Variants in RNF17 observed in about 807,000 individuals in gnomAD.
RNF17 encodes spermatogenesis associated 23.
Under a neutral mutation model 200.5 loss-of-function variants are expected in RNF17, and 31 were observed. The observed-to-expected ratio is 0.15, with a 90% CI of 0.12 to 0.21. The LOEUF (loss-of-function observed/expected upper bound fraction) is 0.21. RNF17 is among the 10% of genes least tolerant of loss of function. The pLI is 1.00. For synonymous variants in RNF17, 606 were observed against 637.8 expected (o/e 0.95, Z 0.75); for missense variants, 1,628 against 1,905.1 (o/e 0.85, Z 2.71).
chr13:24,815,425 CGG>C (rs1212535904), intron 15 of RNF17, among the ~76,000 whole-genome samples: 6 of 131,446 alleles, frequency 4.6e-5, no homozygotes, highest in African/African-American at 1.2e-4. Flanking sequence ...GTAGCCCTAA[CGG>C]GGTGTGTGTG....
At chr13:24,881,848 A>G (rs200508146), downstream of RNF17, among the ~76,000 whole-genome samples, 15,905 of 80,558 alleles carry the variant, frequency 0.2, 427 homozygotes, top group Admixed American at 0.23. Flanking sequence ...ATATATAGAT[A>G]CATCTATATA....
intron 16 of RNF17, among the ~76,000 whole-genome samples, chr13:24,827,720 A>AAAAAAC: frequency 6.8e-6 from 1 of 147,650 alleles, no homozygotes; most frequent in Non-Finnish European, 1.5e-5. Context: ...AAAAAAAACA[A>AAAAAAC]AAAAAAAAAA....
At chr13:24,819,466 G>A (rs1173556940) in intron 15 of RNF17, among the ~76,000 whole-genome samples, 1 of 152,120 alleles carries the variant, frequency 6.6e-6, no homozygotes, top group Non-Finnish European at 1.5e-5. Context: ...TAATGAACAT[G>A]GAAATGCAAA....
Position 24,838,818 on chromosome 13 carries a change from C to G in RNF17, c.2483-3223C>G, listed in dbSNP as rs1443707546. Reference sequence around the variant, plus strand: ...TTCAACATAGTAGTGGAAGTCCTAGCCAGAGCAGTCAAGCAAGAGAAGGAA... The same window carrying G: ...TTCAACATAGTAGTGGAAGTCCTAGGCAGAGCAGTCAAGCAAGAGAAGGAA... On this transcript the variant is annotated intron_variant, in intron 18 of 35. Coordinates refer to ENST00000255324, the MANE Select transcript of RNF17 (RefSeq NM_031277.3). 3.4e-5 allele frequency among the ~76,000 whole-genome samples: 5 copies of G among 147,094 alleles called. No individual in the cohort carries two copies. The East Asian group carries it at 1.0e-3, about 31-fold the overall frequency.
rs763011359 is a variant in RNF17 at position 24,843,973 on chromosome 13, TATA to T, written c.2831+6_2831+8del. The T allele has an allele frequency of 3.6e-6, 3 of 841,984 alleles. No individual in the cohort carries two copies. The highest frequency in any genetic ancestry group is 6.1e-5 in the Admixed American group (2 of 32,976). The allele number at this position is 841,984 out of a possible 1,614,324, so 52.2% of individuals were successfully genotyped here. A position where few individuals can be genotyped will look rare whatever the true frequency, so the allele number is the denominator to read the frequency against. Reference sequence around the variant, plus strand: ...GTTAACTGAAAACTTACTTAATAGGTATAATATATATATATAATATATAAGGAA... The same window carrying T: ...GTTAACTGAAAACTTACTTAATAGGTATATATATATATAATATATAAGGAA... On this transcript the variant is annotated splice_donor_5th_base_variant and intron_variant, in intron 20 of 35. Coordinates refer to ENST00000255324, the MANE Select transcript of RNF17 (RefSeq NM_031277.3).
At chr13:24,841,935 C>T (rs1446220691) in intron 18 of RNF17, 106 bp from the exon 19 acceptor site, 11 of 923,250 alleles carry the variant, frequency 1.2e-5, no homozygotes, top group Non-Finnish European at 1.8e-5. Flanking sequence ...CACTGCACTC[C>T]AGCCTGGGCG....
chr13:24,794,002 A>C (rs1884222404), intron 10 of RNF17, among the ~76,000 whole-genome samples: 1 of 152,222 alleles, frequency 6.6e-6, no homozygotes, highest in South Asian at 2.1e-4. Flanking sequence ...TTGATGTCTC[A>C]ATTACTTAAG....
At chr13:24,873,185 T>C (rs1894479682) in intron 32 of RNF17, among the ~76,000 whole-genome samples, 1 of 90,802 alleles carries the variant, frequency 1.1e-5, no homozygotes, top group Admixed American at 1.0e-4. Flanking sequence ...TAGAAGAGAC[T>C]AGGGGAGTAT....
chr13:24,861,304 C>T lies in RNF17; in HGVS notation c.3811C>T (p.Pro1271Ser). 1 of 1,593,880 alleles carries T rather than the reference C, an allele frequency of 6.3e-7. No individual in the cohort carries two copies. Among genetic ancestry groups the T allele is most frequent in the Non-Finnish European group, 8.6e-7 (1 of 1,168,430 alleles). Residue 1271 changes from proline to serine, a missense_variant, in exon 27 of 36, where the codon CCG becomes TCG. Pro to Ser is a moderately conservative substitution (Grantham distance 74, BLOSUM62 -1). Around this residue, in one of 5 missense-constraint regions of RNF17, gnomAD observed 609 missense variants for 681.9 expected, o/e 0.89. Coordinates refer to ENST00000255324, the MANE Select transcript of RNF17 (RefSeq NM_031277.3). ...AGATCATGGATTCACTGAAAAGATT[C>T]CGCAGTGCCATCTTTACCCTATTTT... ...YLDHGFTEKIPQCHLYPILLY... is the reference protein window; with the variant it reads ...YLDHGFTEKISQCHLYPILLY...
chr13:24,796,645 T>C (rs1884612196), intron 11 of RNF17, among the ~76,000 whole-genome samples: 1 of 152,192 alleles, frequency 6.6e-6, no homozygotes. Context: ...AGTCTCTTGC[T>C]CGCCATGTGT....
In RNF17 at chr13:24,879,247, C is replaced by T. The variant is rs1895187223; in HGVS notation, c.4834C>T (p.Pro1612Ser). 3.1e-6 allele frequency: 5 copies of T among 1,613,362 alleles called. No homozygotes were observed. The East Asian group carries it at 6.7e-5, about 22-fold the overall frequency. ...CGATGAACAGCATCCAGTTCATATGCCGTTGGTAGAAATGGGGCTTGCAGA... is the reference window on the plus strand; with the variant it reads ...CGATGAACAGCATCCAGTTCATATGTCGTTGGTAGAAATGGGGCTTGCAGA... ...YDDEQHPVHM[P>S]LVEMGLADKD... Residue 1612 changes from proline (P) to serine (S), a missense_variant, in exon 35 of 36, where the codon CCG becomes TCG. Coordinates refer to ENST00000255324, the MANE Select transcript of RNF17 (RefSeq NM_031277.3).
chr13:24,801,267 CTT>C (rs968537202), intron 13 of RNF17, among the ~76,000 whole-genome samples: 1 of 152,106 alleles, frequency 6.6e-6, no homozygotes, highest in African/African-American at 2.4e-5. Flanking sequence ...AAGCTATTCT[CTT>C]TTTTTGTTTT....
chr13:24,808,283 G>A (rs1886145641), intron 15 of RNF17, among the ~76,000 whole-genome samples: 1 of 152,040 alleles, frequency 6.6e-6, no homozygotes. Context: ...CATGAGCATG[G>A]AATGTTCTTC....
At chr13:24,825,975 T>C (rs1888579049) in intron 16 of RNF17, 2 of 985,074 alleles carry the variant, frequency 2.0e-6, no homozygotes, top group South Asian at 9.4e-5. Flanking sequence ...AACTTAACCA[T>C]TGGGAATCTT....
chr13:24,791,954 G>A (rs894296654), intron 9 of RNF17, among the ~76,000 whole-genome samples: 1 of 152,172 alleles, frequency 6.6e-6, no homozygotes, highest in African/African-American at 2.4e-5. Flanking sequence ...TAAGATAGCT[G>A]ATTAGATTCC....
At chr13:24,775,160 A>G (rs1368541874) in intron 3 of RNF17, among the ~76,000 whole-genome samples, 4 of 152,226 alleles carry the variant, frequency 2.6e-5, no homozygotes, top group Non-Finnish European at 4.4e-5. Flanking sequence ...CTGAGAGTAC[A>G]CTGGCTAAAG....
intron 6 of RNF17, among the ~76,000 whole-genome samples, chr13:24,783,437 T>G (rs1006614611): frequency 6.6e-6 from 1 of 152,110 alleles, no homozygotes; most frequent in African/African-American, 2.4e-5. Context: ...TCATTGAGAT[T>G]TTGTTAGGGA....
In RNF17 at chr13:24,804,367, A is replaced by G; in HGVS notation, c.2029A>G (p.Met677Val). The G allele has an allele frequency of 1.2e-6, 2 of 1,613,162 alleles. No homozygotes were observed. The highest frequency in any genetic ancestry group is 1.7e-6 in the Non-Finnish European group (2 of 1,179,138). ...TCATCCACCTATTTTGCCTAAAGAAATGACAGATGTTTCAGTAACGGTTTG... is the reference window on the plus strand; with the variant it reads ...TCATCCACCTATTTTGCCTAAAGAAGTGACAGATGTTTCAGTAACGGTTTG... ...HYHPPILPKE[M>V]TDVSVTVCHI... Residue 677 changes from methionine (M) to valine (V), a missense_variant, in exon 15 of 36, where the codon ATG (methionine) becomes GTG (valine). Physicochemically the swap from Met to Val is conservative, Grantham distance 21 (BLOSUM62 1). Transcript: ENST00000255324.
At chr13:24,801,980 C>A (rs1192524850) in intron 13 of RNF17, among the ~76,000 whole-genome samples, 1 of 151,830 alleles carries the variant, frequency 6.6e-6, no homozygotes, top group Non-Finnish European at 1.5e-5. Context: ...TTCTATTTTT[C>A]TTTCTTTTCT....
Sources: gnomAD v4.1 joint callset for allele counts (sites outside exome capture counted in the v4.1 genomes callset) on GRCh38, gnomAD v4.1.1 for gene constraint, gnomAD v4.1.1 regional missense constraint, MANE v1.5 for transcripts, NCBI Gene and HGNC (gene_info 2026-07-23, HGNC 2026-07-21) for gene names.